Variants in FAM135B observed in about 807,000 individuals in gnomAD.
FAM135B encodes the protein family with sequence similarity 135 member B.
In FAM135B, 43 loss-of-function variants were observed where a neutral mutation model predicts 127.7. The ratio of observed to expected loss-of-function variants is 0.34; its 90% CI spans 0.26 to 0.43. The LOEUF is 0.43. Ranked by LOEUF, FAM135B falls within the 20% of genes least tolerant of loss-of-function variation. The pLI is 1.00. For missense variants in FAM135B, 1,558 were observed against 1,725.6 expected, an observed-to-expected ratio of 0.90 and a Z score of 1.72; for synonymous variants, 670 against 665.1, an observed-to-expected ratio of 1.01 and a Z score of -0.11.
At chr8:138,496,260 G>T (rs1815387755) in intron 1 of FAM135B, among the ~76,000 whole-genome samples, 1 of 152,142 alleles carries the variant, frequency 6.6e-6, no homozygotes, top group South Asian at 2.1e-4. Context: ...GAACGGGTCT[G>T]TGCATTCGCC....
intron 1 of FAM135B, among the ~76,000 whole-genome samples, chr8:138,492,082 G>A (rs1815226045): frequency 6.6e-6 from 1 of 152,202 alleles, no homozygotes; most frequent in African/African-American, 2.4e-5. Flanking sequence ...TCTGATTTTA[G>A]TTTTATAAAG....
chr8:138,228,529 T>C (rs767284521), intron 7 of FAM135B, among the ~76,000 whole-genome samples: 1 of 152,172 alleles, frequency 6.6e-6, no homozygotes, highest in Non-Finnish European at 1.5e-5. Context: ...CAAGGAGATC[T>C]TTGAGGGTGT....
chr8:138,347,661 A>T (rs1426522435), intron 2 of FAM135B, among the ~76,000 whole-genome samples: 2 of 152,078 alleles, frequency 1.3e-5, no homozygotes, highest in East Asian at 3.9e-4. Context: ...TCAGTCACCT[A>T]CCATCATCAC....
At chr8:138,143,131 G>A (rs758462724) in intron 15 of FAM135B, 22 bp from the exon 16 acceptor site, 8 of 1,399,518 alleles carry the variant, frequency 5.7e-6, no homozygotes, top group Admixed American at 1.7e-5. Context: ...GAGAGGAACA[G>A]GTGTTGGGTA....
intron 8 of FAM135B, among the ~76,000 whole-genome samples, chr8:138,196,517 T>A (rs903738147): frequency 2.0e-5 from 3 of 152,152 alleles, no homozygotes; most frequent in African/African-American, 7.2e-5. Flanking sequence ...TCAGTCTATT[T>A]GGGAAGCAAA....
At chr8:138,244,568 T>A (rs1821136556) in intron 6 of FAM135B, among the ~76,000 whole-genome samples, 1 of 152,246 alleles carries the variant, frequency 6.6e-6, no homozygotes, top group East Asian at 1.9e-4. Flanking sequence ...CTAGGAGCTA[T>A]CTGTTGCTAA....
At chr8:138,300,744 CTTTTTTTT>C (rs34292545) in intron 3 of FAM135B, among the ~76,000 whole-genome samples, 38 of 100,494 alleles carry the variant, frequency 3.8e-4, no homozygotes, top group Admixed American at 1.3e-3. Context: ...ATTTTATCCA[CTTTTTTTT>C]TTTTTTTTTT....
At chr8:138,444,392 T>C (rs1050143057) in intron 1 of FAM135B, among the ~76,000 whole-genome samples, 4 of 152,240 alleles carry the variant, frequency 2.6e-5, no homozygotes, top group East Asian at 3.9e-4. Flanking sequence ...ATTGACCACA[T>C]AGTTGGAAGT....
chr8:138,295,649 G>A (rs2130815616), intron 3 of FAM135B, among the ~76,000 whole-genome samples: 1 of 152,258 alleles, frequency 6.6e-6, no homozygotes, highest in South Asian at 2.1e-4. Flanking sequence ...AAAGCAGAGG[G>A]GAGACAGAGG....
chr8:138,206,397 A>C (rs375087330), intron 7 of FAM135B, among the ~76,000 whole-genome samples: 3,623 of 20,394 alleles, frequency 0.18, no homozygotes, highest in Non-Finnish European at 0.2. Flanking sequence ...CTCCACCTAC[A>C]CACAGCTCTA....
intron 8 of FAM135B, 49 bp downstream of exon 8, chr8:138,197,467 G>A (rs369265007): frequency 1.4e-5 from 22 of 1,584,500 alleles, no homozygotes; most frequent in Non-Finnish European, 1.8e-5. Context: ...TTGTGTGGAG[G>A]AGGCACATGA....
intron 7 of FAM135B, among the ~76,000 whole-genome samples, chr8:138,227,407 C>T (rs1240740271): frequency 6.6e-6 from 1 of 152,230 alleles, no homozygotes; most frequent in Non-Finnish European, 1.5e-5. Flanking sequence ...AGGATCCTAT[C>T]CAGCCCTGCT....
chr8:138,283,278 C>G (rs1824410306), intron 3 of FAM135B, among the ~76,000 whole-genome samples: 1 of 151,768 alleles, frequency 6.6e-6, no homozygotes, highest in Admixed American at 6.6e-5. Flanking sequence ...TATTCAGAAC[C>G]AAAACGAAAT....
At chr8:138,186,880 A>G (rs1248997428) in intron 9 of FAM135B, among the ~76,000 whole-genome samples, 2 of 152,198 alleles carry the variant, frequency 1.3e-5, no homozygotes, top group Non-Finnish European at 2.9e-5. Context: ...ACTGCAATGG[A>G]ATACAGGTGG....
chr8:138,149,139 AT>A (rs1563685948), intron 13 of FAM135B, among the ~76,000 whole-genome samples: 873 of 16,734 alleles, frequency 0.052, 5 homozygotes, highest in Non-Finnish European at 0.076. Context: ...TAATAAAAAA[AT>A]AAATAAATAA....
chr8:138,330,977 G>A (rs961451770), intron 2 of FAM135B, among the ~76,000 whole-genome samples: 12 of 151,820 alleles, frequency 7.9e-5, no homozygotes, highest in African/African-American at 2.9e-4. Flanking sequence ...CGAGTAGCTG[G>A]GATTACAGGC....
At chr8:138,301,549 C>T (rs1825888485) in intron 3 of FAM135B, among the ~76,000 whole-genome samples, 1 of 152,070 alleles carries the variant, frequency 6.6e-6, no homozygotes, top group African/African-American at 2.4e-5. Flanking sequence ...TTGCTCCGAG[C>T]TCTGTCTTCA....
intron 2 of FAM135B, among the ~76,000 whole-genome samples, chr8:138,350,426 G>A (rs1829701504): frequency 6.6e-6 from 1 of 151,958 alleles, no homozygotes; most frequent in Non-Finnish European, 1.5e-5. Context: ...AGGTGGCTTG[G>A]GGAAAATAAC....
chr8:138,202,941 T>C (rs575026879), intron 7 of FAM135B, among the ~76,000 whole-genome samples: 6 of 152,270 alleles, frequency 3.9e-5, no homozygotes, highest in African/African-American at 1.4e-4. Flanking sequence ...CACTCACGGA[T>C]GGCTCCCTCA....
Sources: allele counts gnomAD v4.1 joint callset (sites outside exome capture counted in the v4.1 genomes callset), GRCh38; gene constraint gnomAD v4.1.1; transcripts MANE v1.5; gene names NCBI Gene and HGNC (gene_info 2026-07-23, HGNC 2026-07-21).